Variants in MAPT observed in about 807,000 individuals in gnomAD.
The protein encoded by MAPT is microtubule-associated protein tau.
Under a neutral mutation model 67.9 loss-of-function variants are expected in MAPT, and 34 were observed. That is an observed-to-expected ratio of 0.50 (90% CI 0.38 to 0.67). The LOEUF (loss-of-function observed/expected upper bound fraction) is 0.67. MAPT is among the 30% of genes least tolerant of loss of function. The pLI is 0.00. For missense variants in MAPT, 881 were observed against 1,115.2 expected (o/e 0.79, Z 2.99); for synonymous variants, 456 against 464.5 (o/e 0.98, Z 0.23).
At chr17:45,909,488 A>C (rs561977074) in intron 1 of MAPT, among the ~76,000 whole-genome samples, 40 of 152,332 alleles carry the variant, frequency 2.6e-4, no homozygotes, top group African/African-American at 9.6e-4. Context: ...TAATCCCAGC[A>C]CTTTGGGAGG....
At chr17:46,005,162 A>T (rs62064667) in intron 9 of MAPT, among the ~76,000 whole-genome samples, 21,803 of 152,264 alleles carry the variant, frequency 0.14, 2,130 homozygotes, top group Non-Finnish European at 0.22. Flanking sequence ...TAATTTCTTT[A>T]ATGGATTAGT....
At position 45,982,030 on chromosome 17, in the gene MAPT, A is replaced by G. The variant is rs372262140; in HGVS notation, c.287-836A>G. Among the ~76,000 whole-genome samples, 19 of 148,042 alleles carry G rather than the reference A, an allele frequency of 1.3e-4. No homozygotes were observed. The East Asian group carries it at 3.5e-3, about 27-fold the overall frequency. Reference sequence around the variant, plus strand: ...CGAGACCCTGTCTCAAAAAAAAAAAAAAAGAAAGAAAGAAAGGAAAAAAAA... The same window carrying G: ...CGAGACCCTGTCTCAAAAAAAAAAAGAAAGAAAGAAAGAAAGGAAAAAAAA... On this transcript the variant is annotated intron_variant, in intron 4 of 12. Transcript: ENST00000262410.
At chr17:46,011,172 G>GCC (rs1293208391) in intron 10 of MAPT, among the ~76,000 whole-genome samples, 2 of 152,166 alleles carry the variant, frequency 1.3e-5, no homozygotes, top group Non-Finnish European at 2.9e-5. Context: ...TAAGGCGGGA[G>GCC]GTTCGCTTGA....
chr17:45,951,392 G>A (rs896519477), intron 1 of MAPT, among the ~76,000 whole-genome samples: 1 of 152,194 alleles, frequency 6.6e-6, no homozygotes, highest in Non-Finnish European at 1.5e-5. Context: ...TGTTTGAAAA[G>A]AGAAAAGCCT....
chr17:45,925,015 GA>G (rs1175437015), intron 1 of MAPT, among the ~76,000 whole-genome samples: 1 of 152,130 alleles, frequency 6.6e-6, no homozygotes, highest in Non-Finnish European at 1.5e-5. Flanking sequence ...AAAACTCGCC[GA>G]ATTAAAGCAT....
intron 1 of MAPT, among the ~76,000 whole-genome samples, chr17:45,918,929 G>A (rs2065434408): frequency 6.6e-6 from 1 of 152,048 alleles, no homozygotes. Flanking sequence ...GGCCATGGTG[G>A]TGTGCGCCTG....
At chr17:45,984,264 A>T (rs2073316996) in intron 5 of MAPT, among the ~76,000 whole-genome samples, 1 of 152,192 alleles carries the variant, frequency 6.6e-6, no homozygotes, top group Admixed American at 6.5e-5. Context: ...CCTTCCACCG[A>T]CAGGATGACG....
At chr17:45,965,509 G>A (rs561198862) in intron 2 of MAPT, among the ~76,000 whole-genome samples, 35 of 151,718 alleles carry the variant, frequency 2.3e-4, no homozygotes, top group African/African-American at 8.4e-4. Flanking sequence ...TGCGCCTCCC[G>A]GGTGCAAGCG....
chr17:46,018,881 G>C (rs2076350783), intron 12 of MAPT, 151 bp downstream of exon 12: 9 of 657,422 alleles, frequency 1.4e-5, no homozygotes, highest in African/African-American at 1.3e-4. Flanking sequence ...CATCCAGTGG[G>C]TCTCCACTGC....
intron 1 of MAPT, among the ~76,000 whole-genome samples, chr17:45,930,696 A>C (rs2144676466): frequency 6.6e-6 from 1 of 152,336 alleles, no homozygotes; most frequent in South Asian, 2.1e-4. Flanking sequence ...TTCTAAGATT[A>C]GACCCTTCAT....
At chr17:45,919,195 A>T (rs1560313) in intron 1 of MAPT, among the ~76,000 whole-genome samples, 1 of 151,954 alleles carries the variant, frequency 6.6e-6, no homozygotes, top group Admixed American at 6.5e-5. Flanking sequence ...TTGCTGCAGC[A>T]CCGCTCAGCC....
intron 1 of MAPT, among the ~76,000 whole-genome samples, chr17:45,942,913 G>A (rs753420401): frequency 2.6e-5 from 4 of 152,186 alleles, no homozygotes; most frequent in East Asian, 1.9e-4. Flanking sequence ...TGAAGGATTC[G>A]GAGTGGACTC....
chr17:45,934,593 C>A (rs1418751847), intron 1 of MAPT, among the ~76,000 whole-genome samples: 1 of 151,754 alleles, frequency 6.6e-6, no homozygotes, highest in African/African-American at 2.4e-5. Context: ...CAGCCACTGG[C>A]TAGTTAGAGA....
At chr17:45,924,680 C>T (rs1047156313) in intron 1 of MAPT, among the ~76,000 whole-genome samples, 6 of 152,244 alleles carry the variant, frequency 3.9e-5, no homozygotes, top group Admixed American at 1.3e-4. Flanking sequence ...TAAGGCTGCT[C>T]CTGCCCACTT....
chr17:45,916,770 A>G (rs1277045764), intron 1 of MAPT, among the ~76,000 whole-genome samples: 1 of 152,260 alleles, frequency 6.6e-6, no homozygotes, highest in Non-Finnish European at 1.5e-5. Context: ...GCATTTTAAC[A>G]GATGCCAGAG....
At position 46,024,071 on chromosome 17, in the gene MAPT, G is replaced by A; in HGVS notation, c.2402G>A (p.Ser801Asn). ...VSGDTSPRHL[S>N]NVSSTGSIDM... ...GGGGACACGTCTCCACGGCATCTCA[G>A]CAATGTCTCCTCCACCGGCAGCATC... is the stretch of plus-strand genomic sequence containing the variant. The change falls in exon 13 of 13, where the codon AGC becomes AAC. Residue 801 changes from serine to asparagine, a missense_variant. By Grantham distance (46) the Ser-to-Asn change is conservative. Transcript: ENST00000262410. 3.1e-6 allele frequency: 5 copies of A among 1,614,144 alleles called. No individual in the cohort carries two copies. The highest frequency in any genetic ancestry group is 4.2e-6 in the Non-Finnish European group (5 of 1,180,030).
chr17:45,903,357 A>G (rs896631383), intron 1 of MAPT, among the ~76,000 whole-genome samples: 16 of 152,066 alleles, frequency 1.1e-4, no homozygotes, highest in Admixed American at 9.2e-4. Flanking sequence ...GCACCAAACT[A>G]TTGTCTTGCC....
At chr17:46,023,434 G>A (rs1438294695) in intron 12 of MAPT, among the ~76,000 whole-genome samples, 1 of 152,180 alleles carries the variant, frequency 6.6e-6, no homozygotes, top group African/African-American at 2.4e-5. Flanking sequence ...ATCTCTGGAG[G>A]GTACACAAGA....
intron 1 of MAPT, among the ~76,000 whole-genome samples, chr17:45,944,049 CT>C (rs562458262): frequency 1.3e-3 from 192 of 152,326 alleles, no homozygotes; most frequent in African/African-American, 4.2e-3. Flanking sequence ...CAGGAGTCTC[CT>C]TCTCCACTCA....
Sources: gnomAD v4.1 joint callset for allele counts (sites outside exome capture counted in the v4.1 genomes callset) on GRCh38, gnomAD v4.1.1 for gene constraint, MANE v1.5 for transcripts, NCBI Gene and HGNC (gene_info 2026-07-23, HGNC 2026-07-21) for gene names.